Variants in GSTA4 observed in about 807,000 individuals in gnomAD.
GSTA4 encodes glutathione S-transferase alpha 4.
GSTA4 carries 15 observed loss-of-function variants against 24.4 expected under a neutral mutation model. The ratio of observed to expected loss-of-function variants is 0.61; its 90% CI spans 0.41 to 0.95. The LOEUF (loss-of-function observed/expected upper bound fraction) is 0.95, where lower values mean the gene tolerates loss of function less well. Ranked by LOEUF, GSTA4 falls within the 40% of genes least tolerant of loss-of-function variation. The pLI is 0.00. For synonymous variants in GSTA4, 92 were observed against 94.2 expected (o/e 0.98, Z 0.13); for missense variants, 244 against 262.1 (o/e 0.93, Z 0.48).
At chr6:52,982,413 A>C (rs1479803652) in intron 6 of GSTA4, among the ~76,000 whole-genome samples, 161 bp downstream of exon 6, 1 of 152,116 alleles carries the variant, frequency 6.6e-6, no homozygotes, top group Non-Finnish European at 1.5e-5. Context: ...GGACCAGAAA[A>C]ATAACTTTGG....
intron 2 of GSTA4, among the ~76,000 whole-genome samples, chr6:52,989,636 A>G (rs1273610050): frequency 2.6e-5 from 4 of 152,156 alleles, no homozygotes; most frequent in East Asian, 1.9e-4. Flanking sequence ...AGGAGCCTCA[A>G]TGCTCCCAGA....
chr6:52,985,982 C>T (rs1413635777), intron 3 of GSTA4, among the ~76,000 whole-genome samples: 3 of 151,738 alleles, frequency 2.0e-5, no homozygotes, highest in East Asian at 1.9e-4. Context: ...ACCCGGGAGG[C>T]GGAGGTTGCA....
chr6:52,984,661 C>G (rs1763520230), intron 4 of GSTA4, 56 bp from the exon 5 acceptor site: 15 of 1,454,146 alleles, frequency 1.0e-5, no homozygotes, highest in Non-Finnish European at 1.4e-5. Flanking sequence ...CCATCAGTTT[C>G]CACAACTAAG....
intron 2 of GSTA4, among the ~76,000 whole-genome samples, chr6:52,990,178 T>C (rs1763637605): frequency 6.6e-6 from 1 of 152,168 alleles, no homozygotes; most frequent in Non-Finnish European, 1.5e-5. Flanking sequence ...CATAGAGCAA[T>C]GTCAATGATG....
rs142570827 is a variant in GSTA4, at chr6:52,986,006, G to A, written c.140-423C>T. Reference sequence around the variant, plus strand: ...GCGGAGGTTGCAATGAGCCAAGATCGCGCCATTGCACGCCTGGGCAACAGA... The same window carrying A: ...GCGGAGGTTGCAATGAGCCAAGATCACGCCATTGCACGCCTGGGCAACAGA... On this transcript the variant is annotated intron_variant, in intron 3 of 6. Transcript: ENST00000370963. 6.6e-5 allele frequency among the ~76,000 whole-genome samples: 10 copies of A among 152,030 alleles called. No homozygotes were observed. The East Asian group carries it at 9.7e-4, about 15-fold the overall frequency.
chr6:52,982,631 G>C lies in GSTA4; in HGVS notation c.489C>G (p.Thr163=). The change falls in exon 6 of 7, where the codon ACC becomes ACG. Residue 163 remains threonine, a synonymous_variant. Transcript: ENST00000370963. The part of the protein sequence containing the change: ...LSLADVILLQ[T]ILALEEKIPN... Reference sequence around the variant, plus strand: ...GAATTTTCTCTTCTAGAGCTAAAATGGTTTGGAGTAAAATCACATCTGCAA... The same window carrying C: ...GAATTTTCTCTTCTAGAGCTAAAATCGTTTGGAGTAAAATCACATCTGCAA... 6.2e-7 allele frequency: 1 copy of C among 1,608,476 alleles called. No homozygotes were observed. Among genetic ancestry groups the C allele is most frequent in the South Asian group, 1.1e-5 (1 of 90,898 alleles).
chr6:52,984,761 A>T (rs1294297377), intron 4 of GSTA4, among the ~76,000 whole-genome samples, 156 bp from the exon 5 acceptor site: 1 of 151,266 alleles, frequency 6.6e-6, no homozygotes, highest in African/African-American at 2.4e-5. Flanking sequence ...AAGAGCAAAG[A>T]TATAAGGTCA....
chr6:52,988,335 A>G (rs72932936), intron 2 of GSTA4, among the ~76,000 whole-genome samples: 7,014 of 152,184 alleles, frequency 0.046, 226 homozygotes, highest in Non-Finnish European at 0.068. Context: ...CAGAAGACTT[A>G]ATTAAGTTAC....
Position 52,978,250 on chromosome 6 carries a change from C to T in GSTA4, c.*220G>A, listed in dbSNP as rs1581905164. 8.0e-6 allele frequency: 4 copies of T among 500,396 alleles called. No individual in the cohort carries two copies. In the East Asian group the frequency reaches 1.5e-4, roughly 19 times the overall value. 31.0% of individuals were successfully genotyped at this position (500,396 alleles called of 1,614,324 possible). On this transcript the variant is annotated 3_prime_UTR_variant, in exon 7 of 7. Transcript: ENST00000370963. ...TCAGATCTAACTTAAATACCAGCCT[C>T]TCCAAAAAAGTTTTCCAATAAAGAT... is the stretch of plus-strand genomic sequence containing the variant.
At chr6:52,984,682 G>C in intron 4 of GSTA4, 77 bp from the exon 5 acceptor site, 2 of 954,928 alleles carry the variant, frequency 2.1e-6, no homozygotes, top group South Asian at 1.6e-5. Flanking sequence ...AATTCAGAGT[G>C]CTTTTTTTTT....
Position 52,994,496 on chromosome 6 carries a change from A to G in GSTA4, c.-18-235T>C, listed in dbSNP as rs539664751. The G allele has an allele frequency of 6.8e-6, 3 of 442,206 alleles. No homozygotes were observed. In the East Asian group the frequency reaches 1.1e-4, roughly 17 times the overall value. 27.4% of individuals were successfully genotyped at this position (442,206 alleles called of 1,614,324 possible). A position where few individuals can be genotyped will look rare whatever the true frequency, so the allele number is the denominator to read the frequency against. ...ATGACTTCTTATCCTGGATCTTGGG[A>G]AGCTGGGGCCATTTGTTGTAAAAAC... On this transcript the variant is annotated intron_variant, in intron 1 of 6. Coordinates refer to ENST00000370963, the MANE Select transcript of GSTA4 (RefSeq NM_001512.4).
At chr6:52,984,422 T>C in intron 5 of GSTA4, 42 bp downstream of exon 5, 1 of 1,570,730 alleles carries the variant, frequency 6.4e-7, no homozygotes, top group Non-Finnish European at 8.6e-7. Context: ...TTGTGGTTTG[T>C]GGTTTGGTTG....
chr6:52,983,630 A>G (rs1215413757), intron 5 of GSTA4, among the ~76,000 whole-genome samples: 2 of 152,208 alleles, frequency 1.3e-5, no homozygotes, highest in African/African-American at 4.8e-5. Flanking sequence ...TTCTCACCTC[A>G]TAGGCGTGTT....
At chr6:52,985,392 T>A (rs1763531307) in intron 4 of GSTA4, 59 bp downstream of exon 4, 2 of 1,519,428 alleles carry the variant, frequency 1.3e-6, no homozygotes, top group Non-Finnish European at 1.8e-6. Flanking sequence ...CAGAGGTTGC[T>A]AATCAGCTAA....
chr6:52,988,415 CCAAA>C (rs1420442440), intron 2 of GSTA4, among the ~76,000 whole-genome samples: 4 of 152,090 alleles, frequency 2.6e-5, no homozygotes, highest in Non-Finnish European at 5.9e-5. Context: ...CTCTGTCTAA[CCAAA>C]CAATCAAACT....
At chr6:52,984,401 T>C in intron 5 of GSTA4, 63 bp downstream of exon 5, 1 of 1,478,594 alleles carries the variant, frequency 6.8e-7, no homozygotes, top group Non-Finnish European at 9.3e-7. Context: ...AGGGTGTTTG[T>C]GGCAGCTTCT....
chr6:52,990,624 G>A (rs185727564), intron 2 of GSTA4, among the ~76,000 whole-genome samples: 4 of 152,306 alleles, frequency 2.6e-5, no homozygotes, highest in Admixed American at 2.6e-4. Context: ...AACTAAAAAT[G>A]TTGACTCATA....
intron 3 of GSTA4, 129 bp from the exon 4 acceptor site, chr6:52,985,712 G>A: frequency 1.0e-6 from 1 of 952,474 alleles, no homozygotes; most frequent in Non-Finnish European, 1.6e-6. Flanking sequence ...GCTTCCAGAT[G>A]ACAGATAACC....
Position 52,982,561 on chromosome 6 carries a change from T to C in GSTA4, c.546+13A>G, listed in dbSNP as rs745674199. The C allele has an allele frequency of 1.5e-5, 24 of 1,599,856 alleles. No individual in the cohort carries two copies. The highest frequency in any genetic ancestry group is 1.7e-4 in the Middle Eastern group (1 of 6,040). ...AGTTCTAGGCCAATCTTCTAATACATAGTTTTATTTACCTGGAGGAAAGGA... is the reference window on the plus strand; with the variant it reads ...AGTTCTAGGCCAATCTTCTAATACACAGTTTTATTTACCTGGAGGAAAGGA... On this transcript the variant is annotated intron_variant, in intron 6 of 6. Coordinates refer to ENST00000370963, the MANE Select transcript of GSTA4 (RefSeq NM_001512.4).
Sources: gnomAD v4.1 joint callset for allele counts (sites outside exome capture counted in the v4.1 genomes callset) on GRCh38, gnomAD v4.1.1 for gene constraint, MANE v1.5 for transcripts, NCBI Gene and HGNC (gene_info 2026-07-23, HGNC 2026-07-21) for gene names.